JARID2: variants seen among roughly 807,000 people sequenced by gnomAD.
JARID2 encodes protein Jumonji.
A neutral mutation model predicts 125.6 loss-of-function variants in JARID2; 21 were observed. The ratio of observed to expected loss-of-function variants is 0.17; its 90% CI spans 0.12 to 0.24. The LOEUF is 0.24. Ranked by LOEUF, JARID2 falls within the 10% of genes least tolerant of loss-of-function variation. The pLI, the probability that JARID2 is intolerant of heterozygous loss-of-function variation, is 1.00. For synonymous variants in JARID2, 736 were observed against 661.6 expected, an observed-to-expected ratio of 1.11 and a Z score of -1.73; for missense variants, 1,303 against 1,639.6, an observed-to-expected ratio of 0.79 and a Z score of 3.55.
intron 7 of JARID2, among the ~76,000 whole-genome samples, chr6:15,498,739 G>A (rs1241771879): frequency 6.6e-6 from 1 of 152,252 alleles, no homozygotes; most frequent in East Asian, 1.9e-4. Context: ...ACTTGCAAGA[G>A]TTCTTGGTTT....
intron 1 of JARID2, among the ~76,000 whole-genome samples, chr6:15,328,744 C>T (rs1762611688): frequency 6.6e-6 from 1 of 152,188 alleles, no homozygotes; most frequent in African/African-American, 2.4e-5. Flanking sequence ...CAAGAAACAC[C>T]TTCCTCTGTT....
chr6:15,518,197 A>G (rs1312263442), intron 17 of JARID2, among the ~76,000 whole-genome samples: 6 of 152,222 alleles, frequency 3.9e-5, no homozygotes, highest in Non-Finnish European at 1.5e-5. Context: ...GAGCACGAGC[A>G]TGGCTCTGGC....
intron 2 of JARID2, among the ~76,000 whole-genome samples, chr6:15,401,969 T>G (rs1362905190): frequency 6.6e-6 from 1 of 150,606 alleles, no homozygotes; most frequent in Non-Finnish European, 1.5e-5. Flanking sequence ...ATTTGAAAAG[T>G]AGGAGGGCAG....
At chr6:15,370,983 A>C (rs1308224425) in intron 1 of JARID2, among the ~76,000 whole-genome samples, 1 of 152,230 alleles carries the variant, frequency 6.6e-6, no homozygotes, top group East Asian at 1.9e-4. Context: ...GCAGGTGACA[A>C]GTCTCAACCA....
chr6:15,467,699 G>C (rs1309776646), intron 4 of JARID2, among the ~76,000 whole-genome samples: 2 of 152,106 alleles, frequency 1.3e-5, no homozygotes, highest in East Asian at 3.9e-4. Flanking sequence ...AGCTGGGTGT[G>C]GTGGTGCGCA....
intron 4 of JARID2, among the ~76,000 whole-genome samples, chr6:15,459,982 T>C (rs1232330194): frequency 6.6e-6 from 1 of 152,128 alleles, no homozygotes; most frequent in East Asian, 1.9e-4. Flanking sequence ...GTACACAACT[T>C]TTTTTGAGGG....
chr6:15,318,120 G>T (rs1195182662), intron 1 of JARID2, among the ~76,000 whole-genome samples: 1 of 152,140 alleles, frequency 6.6e-6, no homozygotes, highest in African/African-American at 2.4e-5. Context: ...TGAGGCAGGA[G>T]AATCACTTGA....
intron 17 of JARID2, among the ~76,000 whole-genome samples, chr6:15,519,264 A>G (rs1771714019): frequency 1.3e-5 from 2 of 152,190 alleles, no homozygotes; most frequent in Admixed American, 1.3e-4. Flanking sequence ...GTTTATCATC[A>G]GTACCTCAAG....
chr6:15,318,391 C>T (rs1190300273), intron 1 of JARID2, among the ~76,000 whole-genome samples: 1 of 152,238 alleles, frequency 6.6e-6, no homozygotes, highest in Non-Finnish European at 1.5e-5. Flanking sequence ...ACATAGTTGT[C>T]TACATGAAAC....
At chr6:15,306,589 C>T (rs1581393772) in intron 1 of JARID2, among the ~76,000 whole-genome samples, 3 of 151,830 alleles carry the variant, frequency 2.0e-5, no homozygotes, top group Admixed American at 6.6e-5. Flanking sequence ...CCGCCCGCCT[C>T]GGCCTCCCAA....
intron 2 of JARID2, among the ~76,000 whole-genome samples, chr6:15,401,898 G>GTTT (rs34203284): frequency 1.7e-4 from 21 of 126,492 alleles, no homozygotes; most frequent in South Asian, 5.1e-4. Flanking sequence ...GTTGTCAGCA[G>GTTT]TTTTTTTTTT....
intron 1 of JARID2, among the ~76,000 whole-genome samples, chr6:15,273,386 A>G (rs1305986523): frequency 5.9e-5 from 9 of 152,346 alleles, no homozygotes; most frequent in Admixed American, 5.2e-4. Flanking sequence ...ATGATTTTCA[A>G]CTAATGGTTG....
chr6:15,494,336 G>A (rs1467034217), intron 6 of JARID2, among the ~76,000 whole-genome samples: 2 of 151,376 alleles, frequency 1.3e-5, no homozygotes, highest in South Asian at 2.1e-4. Context: ...ACACTCTGCC[G>A]GTAGGGCCCA....
In JARID2 at chr6:15,512,904, T is replaced by TG; in HGVS notation, c.3136-11_3136-10insG. 6.2e-7 allele frequency: 1 copy of TG among 1,613,138 alleles called. No individual in the cohort carries two copies. The highest frequency in any genetic ancestry group is 8.5e-7 in the Non-Finnish European group (1 of 1,179,700). On this transcript the variant is annotated splice_polypyrimidine_tract_variant and intron_variant, in intron 14 of 17. Coordinates refer to ENST00000341776, the MANE Select transcript of JARID2 (RefSeq NM_004973.4). ...AAAATCCACCCTAAAGGGATGTGAC[T>TG]CCTCTTTCAGGAAATGAAGCGTCGC... is the stretch of plus-strand genomic sequence containing the variant.
chr6:15,293,133 G>A (rs1335784994), intron 1 of JARID2, among the ~76,000 whole-genome samples: 1 of 152,226 alleles, frequency 6.6e-6, no homozygotes, highest in Non-Finnish European at 1.5e-5. Flanking sequence ...GTTTGATCCA[G>A]TGCTTGACTT....
At chr6:15,400,276 G>T (rs549328059) in intron 2 of JARID2, among the ~76,000 whole-genome samples, 2 of 152,236 alleles carry the variant, frequency 1.3e-5, no homozygotes, top group Admixed American at 1.3e-4. Flanking sequence ...CTCCGTGGAA[G>T]CTGGAATCAG....
chr6:15,499,034 C>G (rs1207664647), intron 7 of JARID2, among the ~76,000 whole-genome samples: 1 of 152,154 alleles, frequency 6.6e-6, no homozygotes, highest in African/African-American at 2.4e-5. Context: ...TCTTTACCCT[C>G]GACTCCCTTA....
intron 1 of JARID2, among the ~76,000 whole-genome samples, chr6:15,293,836 A>G (rs1761313228): frequency 1.3e-5 from 2 of 152,208 alleles, no homozygotes; most frequent in South Asian, 4.1e-4. Flanking sequence ...CTCCTCTGCT[A>G]TATTTGTCCT....
At chr6:15,282,449 G>GACA (rs1760788846) in intron 1 of JARID2, among the ~76,000 whole-genome samples, 4 of 151,944 alleles carry the variant, frequency 2.6e-5, no homozygotes, top group African/African-American at 9.7e-5. Flanking sequence ...TCGTTGGTCT[G>GACA]TCAGCTGTCC....
Sources: allele counts gnomAD v4.1 joint callset (sites outside exome capture counted in the v4.1 genomes callset), GRCh38; gene constraint gnomAD v4.1.1; transcripts MANE v1.5; gene names NCBI Gene and HGNC (gene_info 2026-07-23, HGNC 2026-07-21).